Variants in RSRC1 observed in about 807,000 individuals in gnomAD.
The protein encoded by RSRC1 is serine/Arginine-related protein 53.
In RSRC1, 39 loss-of-function variants were observed where a neutral mutation model predicts 49.1. The ratio of observed to expected loss-of-function variants is 0.79; its 90% CI spans 0.61 to 1.04. RSRC1 has a LOEUF of 1.04. RSRC1 is among the 50% of genes least tolerant of loss of function. RSRC1 has a pLI of 0.00. For missense variants in RSRC1, 388 were observed against 402.4 expected, an observed-to-expected ratio of 0.96 and a Z score of 0.31; for synonymous variants, 143 against 130.8, an observed-to-expected ratio of 1.09 and a Z score of -0.63.
chr3:158,227,787 G>C (rs1204106693), intron 4 of RSRC1, among the ~76,000 whole-genome samples: 1 of 152,054 alleles, frequency 6.6e-6, no homozygotes, highest in Non-Finnish European at 1.5e-5. Context: ...TACAATCTCT[G>C]TTACCACTAC....
At chr3:158,537,654 A>C (rs551397988) in intron 8 of RSRC1, among the ~76,000 whole-genome samples, 1 of 151,768 alleles carries the variant, frequency 6.6e-6, no homozygotes, top group South Asian at 2.1e-4. Flanking sequence ...TGGCTGTGGT[A>C]AAGGAGCTTT....
intron 3 of RSRC1, chr3:158,132,088 A>G (rs924869616): frequency 2.3e-6 from 1 of 438,242 alleles, no homozygotes; most frequent in Non-Finnish European, 4.6e-6. Flanking sequence ...CACTCAAGGT[A>G]TCCTCCTACC....
At chr3:158,514,346 C>T (rs1740374589) in intron 7 of RSRC1, among the ~76,000 whole-genome samples, 1 of 152,274 alleles carries the variant, frequency 6.6e-6, no homozygotes, top group South Asian at 2.1e-4. Context: ...CAAAGAACAT[C>T]TTTATTTCTG....
intron 7 of RSRC1, among the ~76,000 whole-genome samples, chr3:158,521,420 C>T (rs1419313926): frequency 6.6e-6 from 1 of 152,100 alleles, no homozygotes; most frequent in Admixed American, 6.6e-5. Flanking sequence ...CCATTAGTTC[C>T]TCATCCTCTG....
intron 7 of RSRC1, among the ~76,000 whole-genome samples, chr3:158,512,906 GCTCT>G (rs1299279387): frequency 6.9e-6 from 1 of 145,678 alleles, no homozygotes; most frequent in South Asian, 2.3e-4. Flanking sequence ...TCATGATTTG[GCTCT>G]CTGTTTGTCT....
chr3:158,239,722 A>T (rs891612693), intron 4 of RSRC1, among the ~76,000 whole-genome samples: 1 of 151,264 alleles, frequency 6.6e-6, no homozygotes, highest in Non-Finnish European at 1.5e-5. Flanking sequence ...TTAAAGTATT[A>T]AAAAAAAATG....
chr3:158,162,985 C>T (rs1423221934), intron 3 of RSRC1, among the ~76,000 whole-genome samples: 3 of 152,034 alleles, frequency 2.0e-5, no homozygotes, highest in Non-Finnish European at 1.5e-5. Context: ...GCTCTCCTTT[C>T]CCTTTCCTCT....
intron 6 of RSRC1, among the ~76,000 whole-genome samples, chr3:158,439,247 A>T (rs1050776979): frequency 3.9e-5 from 6 of 152,238 alleles, no homozygotes; most frequent in Middle Eastern, 3.4e-3. Flanking sequence ...ATTGTGGAAG[A>T]CAGTGTGGCA....
rs142200935 is a variant in RSRC1 at position 158,405,429 on chromosome 3, A to G, written c.583+50521A>G. 5.6e-3 allele frequency among the ~76,000 whole-genome samples: 851 copies of G among 152,238 alleles called. 7 individuals carry two copies. The highest frequency in any genetic ancestry group is 6.4e-3 in the Non-Finnish European group (436 of 67,994). ...TTTAATACATGAAATTCTTTGTAGT[A>G]TATAATGCAGTACTTCAGAACTAAC... On this transcript the variant is annotated intron_variant, in intron 6 of 9. Coordinates refer to ENST00000611884, the MANE Select transcript of RSRC1 (RefSeq NM_001271838.2).
At chr3:158,305,867 TA>T (rs1446989818) in intron 5 of RSRC1, among the ~76,000 whole-genome samples, 1 of 152,112 alleles carries the variant, frequency 6.6e-6, no homozygotes, top group East Asian at 1.9e-4. Context: ...TTCACTTTTT[TA>T]ATTTTCCCCT....
intron 1 of RSRC1, among the ~76,000 whole-genome samples, chr3:158,119,747 A>G (rs1269656610): frequency 6.6e-6 from 1 of 151,506 alleles, no homozygotes; most frequent in Non-Finnish European, 1.5e-5. Flanking sequence ...GATATACCTT[A>G]TATACATCTG....
At chr3:158,229,344 GTATA>G (rs749601592) in intron 4 of RSRC1, among the ~76,000 whole-genome samples, 24 of 145,346 alleles carry the variant, frequency 1.7e-4, no homozygotes, top group Admixed American at 9.6e-4. Context: ...GTGTATGTAT[GTATA>G]TATATACACA....
intron 6 of RSRC1, among the ~76,000 whole-genome samples, chr3:158,381,420 G>C (rs1732688810): frequency 6.6e-6 from 1 of 152,180 alleles, no homozygotes; most frequent in Non-Finnish European, 1.5e-5. Context: ...AGTAAGAAGT[G>C]ATCTCTCGCA....
chr3:158,188,319 A>G (rs913851313), intron 3 of RSRC1, among the ~76,000 whole-genome samples: 2 of 151,998 alleles, frequency 1.3e-5, no homozygotes, highest in East Asian at 1.9e-4. Context: ...AGAACTCATC[A>G]GAACATCAAG....
intron 7 of RSRC1, among the ~76,000 whole-genome samples, chr3:158,464,528 A>G (rs1406548117): frequency 1.3e-5 from 2 of 152,214 alleles, no homozygotes; most frequent in Non-Finnish European, 2.9e-5. Flanking sequence ...AAATATGAAC[A>G]TAATAAAAGG....
At chr3:158,267,647 T>A (rs961973928) in intron 4 of RSRC1, among the ~76,000 whole-genome samples, 1 of 151,954 alleles carries the variant, frequency 6.6e-6, no homozygotes, top group South Asian at 2.1e-4. Flanking sequence ...TGAATTTTTT[T>A]AAATTTTGCT....
intron 6 of RSRC1, among the ~76,000 whole-genome samples, chr3:158,406,063 G>A (rs917950971): frequency 6.6e-6 from 1 of 151,888 alleles, no homozygotes; most frequent in African/African-American, 2.4e-5. Flanking sequence ...AACTTTGTTT[G>A]CAAATTGTTA....
Position 158,220,145 on chromosome 3 carries a change from C to G in RSRC1, c.494+16900C>G, listed in dbSNP as rs185985830. On this transcript the variant is annotated intron_variant, in intron 4 of 9. Transcript: ENST00000611884. ...TCATATGTTTGCATGAAGATTAAAA[C>G]AGATAATGTATTAAGGAAGGGTTTG... Among the ~76,000 whole-genome samples the G allele has an allele frequency of 2.4e-3, 362 of 151,630 alleles. 1 individual carries two copies. Among genetic ancestry groups the G allele is most frequent in the Non-Finnish European group, 2.7e-3 (181 of 67,698 alleles).
At chr3:158,531,727 T>G (rs954728584) in intron 7 of RSRC1, among the ~76,000 whole-genome samples, 1 of 151,990 alleles carries the variant, frequency 6.6e-6, no homozygotes, top group African/African-American at 2.4e-5. Context: ...ATGTTGGAGT[T>G]GGATAGATTT....
Sources: allele counts gnomAD v4.1 joint callset (sites outside exome capture counted in the v4.1 genomes callset), GRCh38; gene constraint gnomAD v4.1.1; transcripts MANE v1.5; gene names NCBI Gene and HGNC (gene_info 2026-07-23, HGNC 2026-07-21).